MAGEC3: variants seen among roughly 807,000 people sequenced by gnomAD.
MAGEC3 encodes the protein melanoma-associated antigen C3.
MAGEC3 carries 34 observed loss-of-function variants against 35.3 expected under a neutral mutation model. The observed-to-expected ratio is 0.96, with a 90% CI of 0.73 to 1.28. The LOEUF is 1.28. MAGEC3 is among the 50% of genes most tolerant of loss of function. The pLI is 0.00. For missense variants in MAGEC3, 561 were observed against 483.6 expected (o/e 1.16, Z -1.50); for synonymous variants, 202 against 185.6 (o/e 1.09, Z -0.72).
At chrX:141,846,844 C>T (rs927767522) in intron 1 of MAGEC3, among the ~76,000 whole-genome samples, 2 of 110,706 alleles carry the variant, frequency 1.8e-5, no homozygotes, top group African/African-American at 6.5e-5. Flanking sequence ...AACTTTAGTT[C>T]TTCTGGAATA....
rs190572473 is a variant in MAGEC3 at position 141,870,782 on chromosome X, C to T, written c.258+5177C>T. Among the ~76,000 whole-genome samples the T allele has an allele frequency of 3.3e-3, 368 of 111,746 alleles. 2 individuals carry two copies. The highest frequency in any genetic ancestry group is 0.01 in the African/African-American group (321 of 30,682). On this transcript the variant is annotated intron_variant, in intron 2 of 7. Transcript: ENST00000298296. The stretch of plus-strand genomic sequence containing the variant: ...TGTGCTAGATGCAGATGAAGTTGGA[C>T]TTTTTCCAGCATAGTTAGGGGCATG...
chrX:141,864,280 G>A (rs1408711050), intron 1 of MAGEC3, among the ~76,000 whole-genome samples: 1 of 85,132 alleles, frequency 1.2e-5, no homozygotes, highest in Non-Finnish European at 2.1e-5. Flanking sequence ...AGGAGTTCAA[G>A]ACCAGCCTAG....
At chrX:141,884,435 C>T (rs927135081) in intron 4 of MAGEC3, among the ~76,000 whole-genome samples, 26 of 111,281 alleles carry the variant, frequency 2.3e-4, no homozygotes, top group African/African-American at 8.2e-4. Flanking sequence ...TGGGACCTCA[C>T]GATCATGGGA....
intron 1 of MAGEC3, among the ~76,000 whole-genome samples, chrX:141,842,423 G>A (rs1401822139): frequency 7.2e-5 from 8 of 111,285 alleles, no homozygotes; most frequent in African/African-American, 2.0e-4. Flanking sequence ...TTTAACTATC[G>A]TATATTTTAA....
chrX:141,875,119 A>G (rs2017912279), intron 2 of MAGEC3, among the ~76,000 whole-genome samples: 1 of 111,859 alleles, frequency 8.9e-6, no homozygotes, highest in African/African-American at 3.3e-5. Flanking sequence ...GAGAGGCACC[A>G]GCAAAAGAGG....
At chrX:141,842,336 A>G (rs917135315) in intron 1 of MAGEC3, among the ~76,000 whole-genome samples, 2 of 111,864 alleles carry the variant, frequency 1.8e-5, no homozygotes, top group Middle Eastern at 4.2e-3. Flanking sequence ...GAAAATTATA[A>G]CAGACTGTAG....
intron 1 of MAGEC3, among the ~76,000 whole-genome samples, chrX:141,852,069 G>C (rs2017753804): frequency 9.4e-6 from 1 of 106,049 alleles, no homozygotes; most frequent in Non-Finnish European, 1.9e-5. Context: ...TCCAATCCGT[G>C]AACATAGAAT....
rs778687547 is a variant in MAGEC3, at chrX:141,895,478, G to A, written c.1049-7G>A. 11 of 1,211,082 alleles carry A rather than the reference G, an allele frequency of 9.1e-6. No individual in the cohort carries two copies. The South Asian group carries it at 1.9e-4, about 21-fold the overall frequency. ...AAGAAGCCCCGGTCTGCCCTGCGCT[G>A]CCATAGGACTTGCAGGCCACAGACA... On this transcript the variant is annotated splice_region_variant and splice_polypyrimidine_tract_variant and intron_variant, in intron 5 of 7. Transcript: ENST00000298296.
intron 4 of MAGEC3, among the ~76,000 whole-genome samples, chrX:141,888,496 A>G (rs747317227): frequency 8.9e-6 from 1 of 112,565 alleles, no homozygotes; most frequent in Admixed American, 9.4e-5. Flanking sequence ...GTGAAAAGGT[A>G]TGCAGATGGA....
chrX:141,875,841 G>A (rs1363798525), intron 2 of MAGEC3, among the ~76,000 whole-genome samples: 2 of 111,853 alleles, frequency 1.8e-5, no homozygotes, highest in Admixed American at 1.9e-4. Context: ...CCTTGTCTGT[G>A]GGTTTCCACC....
At chrX:141,846,325 C>A (rs1254371743) in intron 1 of MAGEC3, among the ~76,000 whole-genome samples, 1 of 109,233 alleles carries the variant, frequency 9.2e-6, no homozygotes, top group African/African-American at 3.3e-5. Context: ...ATTGATTACA[C>A]CTCTAAACTT....
chrX:141,876,939 T>TA (rs1367702226), intron 2 of MAGEC3, among the ~76,000 whole-genome samples: 2 of 112,358 alleles, frequency 1.8e-5, no homozygotes, highest in Non-Finnish European at 3.8e-5. Context: ...AACTCTTCAT[T>TA]ATAGTAGCTT....
intron 4 of MAGEC3, chrX:141,894,537 G>A (rs2018068607): frequency 1.6e-6 from 1 of 615,215 alleles, no homozygotes; most frequent in African/African-American, 2.4e-5. Flanking sequence ...TTTAGAGGAT[G>A]ACAGAACAAC....
intron 1 of MAGEC3, among the ~76,000 whole-genome samples, chrX:141,859,292 C>A (rs145453748): frequency 0.023 from 2,506 of 110,918 alleles, 27 homozygotes; most frequent in African/African-American, 0.037. Context: ...TTCCACCAAG[C>A]GCTGTCATTA....
At chrX:141,895,133 G>A (rs1362235951) in intron 4 of MAGEC3, 136 bp from the exon 5 acceptor site, 2 of 716,268 alleles carry the variant, frequency 2.8e-6, no homozygotes, top group African/African-American at 2.4e-5. Flanking sequence ...GGCACAAAGG[G>A]GTCGGGGGGC....
In MAGEC3 at chrX:141,881,396, G is replaced by C; in HGVS notation, c.516-7G>C. ...CAATAAGATGAAGATACAAGTACCT[G>C]GCACAGCTTGCCAGAGAGCGAGCCC... On this transcript the variant is annotated splice_polypyrimidine_tract_variant and splice_region_variant and intron_variant, in intron 3 of 7. Coordinates refer to ENST00000298296, the MANE Select transcript of MAGEC3 (RefSeq NM_138702.1). The C allele has an allele frequency of 8.4e-7, 1 of 1,188,246 alleles. No homozygotes were observed. The highest frequency in any genetic ancestry group is 1.8e-5 in the African/African-American group (1 of 56,752).
intron 1 of MAGEC3, among the ~76,000 whole-genome samples, chrX:141,844,965 A>G (rs1403687708): frequency 1.8e-5 from 2 of 110,612 alleles, no homozygotes; most frequent in African/African-American, 6.5e-5. Context: ...CAGCCATTCT[A>G]GGATATAGTA....
intron 1 of MAGEC3, among the ~76,000 whole-genome samples, chrX:141,847,671 A>G (rs2017725087): frequency 9.0e-6 from 1 of 111,481 alleles, no homozygotes; most frequent in Non-Finnish European, 1.9e-5. Context: ...TAGCTGAATA[A>G]AAATAAAACC....
chrX:141,839,756 C>G, intron 1 of MAGEC3: 1 of 735,817 alleles, frequency 1.4e-6, no homozygotes, highest in Non-Finnish European at 1.6e-6. Context: ...GTTCTTAACT[C>G]AGTGGTTCTT....
Sources: gnomAD v4.1 joint callset for allele counts (sites outside exome capture counted in the v4.1 genomes callset) on GRCh38, gnomAD v4.1.1 for gene constraint, MANE v1.5 for transcripts, NCBI Gene and HGNC (gene_info 2026-07-23, HGNC 2026-07-21) for gene names.